The following CAMK1D variants were observed in gnomAD, a reference collection of about 807,000 sequenced individuals.
CAMK1D encodes the protein calcium/calmodulin dependent protein kinase ID, also known as calcium/calmodulin-dependent protein kinase type 1D.
A neutral mutation model predicts 47.7 loss-of-function variants in CAMK1D; 9 were observed. The ratio of observed to expected loss-of-function variants is 0.19; its 90% CI spans 0.11 to 0.33. CAMK1D has a LOEUF of 0.33. CAMK1D is among the 10% of genes least tolerant of loss of function. The pLI is 1.00. For synonymous variants in CAMK1D, 184 were observed against 184.9 expected, an observed-to-expected ratio of 0.99 and a Z score of 0.04; for missense variants, 291 against 488.7, an observed-to-expected ratio of 0.60 and a Z score of 3.81.
intron 2 of CAMK1D, among the ~76,000 whole-genome samples, chr10:12,659,420 G>A (rs1011962378): frequency 7.2e-5 from 11 of 152,178 alleles, no homozygotes; most frequent in African/African-American, 2.7e-4. Flanking sequence ...TGTGAGATAG[G>A]AATAATAATG....
chr10:12,457,389 T>C (rs1356257690), intron 1 of CAMK1D, among the ~76,000 whole-genome samples: 2 of 140,126 alleles, frequency 1.4e-5, no homozygotes, highest in Non-Finnish European at 3.1e-5. Context: ...AGACTCTGTC[T>C]CAAAAAAAAA....
rs567878745 is a variant in CAMK1D, at chr10:12,504,078, C to T, written c.93-49147C>T. On this transcript the variant is annotated intron_variant, in intron 1 of 10. Transcript: ENST00000619168. ...GGATGCTTGTATTAGTCAAGCTGCT[C>T]CAGTAAACATAAACGGAACCAATAA... Among the ~76,000 whole-genome samples, 340 of 151,960 alleles carry T rather than the reference C, an allele frequency of 2.2e-3. 1 individual carries two copies. The highest frequency in any genetic ancestry group is 3.0e-3 in the Non-Finnish European group (207 of 67,958).
At chr10:12,750,950 C>T (rs1466407626) in intron 3 of CAMK1D, among the ~76,000 whole-genome samples, 1 of 152,174 alleles carries the variant, frequency 6.6e-6, no homozygotes, top group Non-Finnish European at 1.5e-5. Flanking sequence ...ACTCTGGATG[C>T]TGAGGCTGGA....
chr10:12,379,870 G>A (rs2131870897), intron 1 of CAMK1D, among the ~76,000 whole-genome samples: 1 of 152,224 alleles, frequency 6.6e-6, no homozygotes, highest in South Asian at 2.1e-4. Flanking sequence ...TCAAAAATGT[G>A]CCAGAAAGTG....
chr10:12,550,838 C>T (rs1588623374), intron 1 of CAMK1D, among the ~76,000 whole-genome samples: 1 of 152,256 alleles, frequency 6.6e-6, no homozygotes, highest in Non-Finnish European at 1.5e-5. Flanking sequence ...AAGCTATAGA[C>T]AAGCTTCTCT....
At chr10:12,616,424 CTCT>C (rs1838818632) in intron 2 of CAMK1D, among the ~76,000 whole-genome samples, 1 of 152,200 alleles carries the variant, frequency 6.6e-6, no homozygotes, top group South Asian at 2.1e-4. Flanking sequence ...TCGAATCAAC[CTCT>C]TAAGTAGCTA....
intron 1 of CAMK1D, among the ~76,000 whole-genome samples, chr10:12,446,897 G>A (rs1356077499): frequency 3.3e-5 from 5 of 152,140 alleles, no homozygotes; most frequent in Non-Finnish European, 7.3e-5. Context: ...TCTTTTCTGA[G>A]AATTACATGA....
intron 1 of CAMK1D, among the ~76,000 whole-genome samples, chr10:12,548,488 A>G (rs1333698472): frequency 2.2e-5 from 3 of 137,902 alleles, no homozygotes; most frequent in Admixed American, 7.8e-5. Context: ...AGGAGGGGAC[A>G]AGGTCTTGCT....
intron 2 of CAMK1D, among the ~76,000 whole-genome samples, chr10:12,630,301 C>T (rs1588710014): frequency 6.6e-6 from 1 of 151,902 alleles, no homozygotes; most frequent in East Asian, 1.9e-4. Context: ...CCCTTCTGCC[C>T]ACCCCCACCG....
chr10:12,573,757 G>A (rs1192821879), intron 2 of CAMK1D, among the ~76,000 whole-genome samples: 1 of 150,438 alleles, frequency 6.6e-6, no homozygotes, highest in Non-Finnish European at 1.5e-5. Flanking sequence ...TGAGCTCAAG[G>A]GATCCTCCCA....
At chr10:12,588,902 G>GTGTT (rs1837913644) in intron 2 of CAMK1D, among the ~76,000 whole-genome samples, 1 of 140,754 alleles carries the variant, frequency 7.1e-6, no homozygotes, top group South Asian at 2.1e-4. Flanking sequence ...GTGTGTGTGT[G>GTGTT]TGTATATATA....
At chr10:12,384,830 CCAT>C (rs1417829506) in intron 1 of CAMK1D, among the ~76,000 whole-genome samples, 1 of 152,086 alleles carries the variant, frequency 6.6e-6, no homozygotes, top group Non-Finnish European at 1.5e-5. Context: ...TCAAAGGATA[CCAT>C]CAAGACAGTG....
At chr10:12,512,677 C>T (rs1014084243) in intron 1 of CAMK1D, among the ~76,000 whole-genome samples, 2 of 152,146 alleles carry the variant, frequency 1.3e-5, no homozygotes, top group Non-Finnish European at 2.9e-5. Context: ...TTGTAGCTGT[C>T]ATCAAGCCTG....
chr10:12,362,726 A>G (rs970547364), intron 1 of CAMK1D, among the ~76,000 whole-genome samples: 46 of 152,144 alleles, frequency 3.0e-4, no homozygotes, highest in African/African-American at 1.1e-3. Context: ...TAGTCAGGAT[A>G]GTCGCGATCT....
chr10:12,739,279 C>G (rs111331895), intron 3 of CAMK1D, among the ~76,000 whole-genome samples: 1 of 151,592 alleles, frequency 6.6e-6, no homozygotes, highest in African/African-American at 2.4e-5. Context: ...TAGATACGTT[C>G]CCCTCTCCCC....
At chr10:12,431,859 T>C (rs937865691) in intron 1 of CAMK1D, among the ~76,000 whole-genome samples, 1 of 152,278 alleles carries the variant, frequency 6.6e-6, no homozygotes, top group Non-Finnish European at 1.5e-5. Context: ...AGGATGTTCT[T>C]GGCAACCTCT....
intron 6 of CAMK1D, among the ~76,000 whole-genome samples, chr10:12,812,603 G>T (rs1206107777): frequency 6.6e-6 from 1 of 152,126 alleles, no homozygotes; most frequent in African/African-American, 2.4e-5. Flanking sequence ...GTGACAGAGG[G>T]AGACTCTGTC....
chr10:12,559,163 G>A (rs1366082436), intron 2 of CAMK1D, among the ~76,000 whole-genome samples: 1 of 151,982 alleles, frequency 6.6e-6, no homozygotes, highest in Admixed American at 6.6e-5. Flanking sequence ...TAAAAAACTA[G>A]TCAGGTGTGG....
At chr10:12,367,931 A>G (rs1019117789) in intron 1 of CAMK1D, among the ~76,000 whole-genome samples, 3 of 152,030 alleles carry the variant, frequency 2.0e-5, no homozygotes, top group African/African-American at 7.2e-5. Flanking sequence ...AGTGGCTCAC[A>G]CCTGTAATCC....
Sources: gnomAD v4.1 joint callset for allele counts (sites outside exome capture counted in the v4.1 genomes callset) on GRCh38, gnomAD v4.1.1 for gene constraint, MANE v1.5 for transcripts, NCBI Gene and HGNC (gene_info 2026-07-23, HGNC 2026-07-21) for gene names.